Variants in TNR observed in about 807,000 individuals in gnomAD.
The protein encoded by TNR is tenascin R, also known as tenascin-R.
Under a neutral mutation model 150.4 loss-of-function variants are expected in TNR, and 45 were observed. The ratio of observed to expected loss-of-function variants is 0.30; its 90% CI spans 0.24 to 0.38. The LOEUF (loss-of-function observed/expected upper bound fraction) is 0.38, where lower values mean the gene tolerates loss of function less well. Among genes scored for constraint, TNR ranks in the 10% least tolerant of loss-of-function variants. TNR has a pLI of 1.00. For missense variants in TNR, 1,544 were observed against 1,759.1 expected (o/e 0.88, Z 2.19); for synonymous variants, 687 against 678.4 (o/e 1.01, Z -0.20).
rs567964434 is a variant in TNR, at chr1:175,441,391, A to C, written c.-63-34614T>G. ...AAATATAATAGATGAGTGCTTTCACAGTGTATGCATATAGTGTATTTATAT... is the reference window on the plus strand; with the variant it reads ...AAATATAATAGATGAGTGCTTTCACCGTGTATGCATATAGTGTATTTATAT... On this transcript the variant is annotated intron_variant, in intron 2 of 22. Coordinates refer to ENST00000367674, the MANE Select transcript of TNR (RefSeq NM_003285.3). Among the ~76,000 whole-genome samples, 7 of 152,342 alleles carry C rather than the reference A, an allele frequency of 4.6e-5. 1 individual carries two copies. In the South Asian group the frequency reaches 1.4e-3, roughly 32 times the overall value.
chr1:175,736,521 A>C (rs79993042), intron 1 of TNR, among the ~76,000 whole-genome samples: 2 of 146,526 alleles, frequency 1.4e-5, no homozygotes, highest in East Asian at 2.0e-4. Flanking sequence ...ACTCTATCTC[A>C]AAAAAAAAAA....
chr1:175,644,882 G>T (rs1218990798), intron 1 of TNR, among the ~76,000 whole-genome samples: 1 of 152,258 alleles, frequency 6.6e-6, no homozygotes, highest in African/African-American at 2.4e-5. Context: ...ATTTACAGAG[G>T]AGGGAAAGAG....
intron 2 of TNR, among the ~76,000 whole-genome samples, chr1:175,437,676 T>C (rs904880059): frequency 9.2e-5 from 14 of 151,968 alleles, no homozygotes; most frequent in Non-Finnish European, 1.6e-4. Context: ...ATAGACGCAA[T>C]AAAAAATGAT....
chr1:175,741,065 G>A (rs541073431), intron 1 of TNR, among the ~76,000 whole-genome samples: 5 of 152,334 alleles, frequency 3.3e-5, no homozygotes, highest in South Asian at 2.1e-4. Context: ...GCAGCACCTT[G>A]AGACTTCTGG....
chr1:175,501,202 G>A (rs1289319240), intron 2 of TNR, among the ~76,000 whole-genome samples: 1 of 152,118 alleles, frequency 6.6e-6, no homozygotes, highest in African/African-American at 2.4e-5. Context: ...TTTAAAAGAA[G>A]GTGAAGTATC....
chr1:175,711,593 G>A (rs1006200141), intron 1 of TNR, among the ~76,000 whole-genome samples: 6 of 152,230 alleles, frequency 3.9e-5, no homozygotes, highest in Admixed American at 1.3e-4. Context: ...CACAAAGGGT[G>A]AGGGCAGGAG....
At chr1:175,396,401 T>A in intron 5 of TNR, 143 bp downstream of exon 5, 1 of 1,054,196 alleles carries the variant, frequency 9.5e-7, no homozygotes, top group South Asian at 1.8e-5. Flanking sequence ...TCTAAATGGG[T>A]CACATCTCTA....
At chr1:175,603,827 C>A (rs936199535) in intron 1 of TNR, among the ~76,000 whole-genome samples, 5 of 152,230 alleles carry the variant, frequency 3.3e-5, no homozygotes, top group African/African-American at 1.2e-4. Flanking sequence ...GCTGCACTCA[C>A]CACGTCACCC....
intron 1 of TNR, among the ~76,000 whole-genome samples, chr1:175,719,237 C>T (rs79630071): frequency 0.052 from 7,980 of 152,282 alleles, 302 homozygotes; most frequent in East Asian, 0.22. Context: ...CTGTGGCCCA[C>T]CTCTTGGGCT....
intron 7 of TNR, among the ~76,000 whole-genome samples, chr1:175,386,668 A>G (rs114867725): frequency 0.025 from 3,839 of 152,110 alleles, 148 homozygotes; most frequent in African/African-American, 0.086. Context: ...TGTGTCTGCC[A>G]CTCAGCTCTC....
At chr1:175,684,866 T>C (rs589298) in intron 1 of TNR, among the ~76,000 whole-genome samples, 148,474 of 152,304 alleles carry the variant, frequency 0.97, 72,399 homozygotes, top group East Asian at 1. Context: ...TCCCAAAGTG[T>C]TTTCATCATT....
chr1:175,604,196 C>T (rs888704654), intron 1 of TNR, among the ~76,000 whole-genome samples: 35 of 152,118 alleles, frequency 2.3e-4, no homozygotes, highest in Admixed American at 1.6e-3. Flanking sequence ...GGCAGGCCCA[C>T]GCTGCTAGCC....
chr1:175,633,879 G>GGAC (rs1664412791), intron 1 of TNR, among the ~76,000 whole-genome samples: 1 of 152,036 alleles, frequency 6.6e-6, no homozygotes, highest in Non-Finnish European at 1.5e-5. Flanking sequence ...CAACAGCAGG[G>GGAC]GACAGCAAAA....
intron 1 of TNR, among the ~76,000 whole-genome samples, chr1:175,637,275 A>G (rs1218286693): frequency 6.6e-6 from 1 of 152,238 alleles, no homozygotes; most frequent in Non-Finnish European, 1.5e-5. Context: ...TTGTTATTAC[A>G]TGGTGCAGTT....
intron 2 of TNR, among the ~76,000 whole-genome samples, chr1:175,407,825 G>A (rs574767087): frequency 3.5e-4 from 54 of 152,288 alleles, no homozygotes; most frequent in African/African-American, 1.2e-3. Context: ...TCCAAGAGAG[G>A]TTAAGATTTG....
intron 1 of TNR, among the ~76,000 whole-genome samples, chr1:175,622,067 G>A (rs1462635292): frequency 6.6e-6 from 1 of 152,202 alleles, no homozygotes; most frequent in East Asian, 1.9e-4. Context: ...AAAGCACTAA[G>A]CAGAGTGCTT....
chr1:175,339,124 G>C (rs1650391897), intron 18 of TNR, among the ~76,000 whole-genome samples: 1 of 152,174 alleles, frequency 6.6e-6, no homozygotes, highest in Admixed American at 6.5e-5. Flanking sequence ...TTATTTTACA[G>C]AGAAGGAAAC....
intron 2 of TNR, among the ~76,000 whole-genome samples, chr1:175,417,032 A>AAAGAAAGAAAGAAAGAAAGAAAGAAAG (rs1654508766): frequency 3.1e-5 from 3 of 97,730 alleles, no homozygotes; most frequent in African/African-American, 1.1e-4. Flanking sequence ...AGAAAGAAAG[A>AAAGAAAGAAAGAAAGAAAGAAAGAAAG]AAGAAAGAAA....
chr1:175,328,440 A>C (rs1457770733), intron 21 of TNR, among the ~76,000 whole-genome samples: 3 of 152,230 alleles, frequency 2.0e-5, no homozygotes. Context: ...ACTACTAAAG[A>C]TAAGGTCCAG....
Sources: gnomAD v4.1 joint callset for allele counts (sites outside exome capture counted in the v4.1 genomes callset) on GRCh38, gnomAD v4.1.1 for gene constraint, MANE v1.5 for transcripts, NCBI Gene and HGNC (gene_info 2026-07-23, HGNC 2026-07-21) for gene names.